Variants in CHD9 observed in about 807,000 individuals in gnomAD.
CHD9 encodes chromodomain helicase DNA binding protein 9, also known as ATP-dependent chromatin remodeler CHD9.
Under a neutral mutation model 316.1 loss-of-function variants are expected in CHD9, and 77 were observed. The observed-to-expected ratio is 0.24, with a 90% CI of 0.20 to 0.29. The LOEUF is 0.29. CHD9 is among the 10% of genes least tolerant of loss of function. The pLI, the probability that CHD9 is intolerant of heterozygous loss-of-function variation, is 1.00. For synonymous variants in CHD9, 1,129 were observed against 1,158.3 expected (o/e 0.97, Z 0.51); for missense variants, 2,763 against 3,438.1 (o/e 0.80, Z 4.91).
intron 1 of CHD9, among the ~76,000 whole-genome samples, chr16:53,058,739 A>C (rs1347831477): frequency 6.6e-6 from 1 of 152,130 alleles, no homozygotes; most frequent in Non-Finnish European, 1.5e-5. Flanking sequence ...CATGCTGTTA[A>C]ATGACTTGCC....
At chr16:53,211,462 T>C (rs1175105072) in intron 3 of CHD9, among the ~76,000 whole-genome samples, 1 of 152,148 alleles carries the variant, frequency 6.6e-6, no homozygotes, top group Non-Finnish European at 1.5e-5. Flanking sequence ...TGCACAACAT[T>C]GACCAATTTT....
At chr16:53,281,835 C>G (rs2053448796) in intron 24 of CHD9, among the ~76,000 whole-genome samples, 1 of 152,180 alleles carries the variant, frequency 6.6e-6, no homozygotes, top group Non-Finnish European at 1.5e-5. Context: ...GTATTTCCTT[C>G]TCAGATAGAC....
chr16:53,200,370 CAAAAAAA>C (rs60076527), intron 2 of CHD9, among the ~76,000 whole-genome samples: 1 of 88,270 alleles, frequency 1.1e-5, no homozygotes, highest in Admixed American at 1.4e-4. Flanking sequence ...TACTCTGTCT[CAAAAAAA>C]AAAAAAAAAA....
At chr16:53,213,736 T>G (rs1451515250) in intron 3 of CHD9, among the ~76,000 whole-genome samples, 1 of 152,202 alleles carries the variant, frequency 6.6e-6, no homozygotes, top group Non-Finnish European at 1.5e-5. Context: ...AACCTATGAT[T>G]TATTACTTTG....
At chr16:53,287,473 A>G (rs957707583) in intron 26 of CHD9, among the ~76,000 whole-genome samples, 1 of 152,208 alleles carries the variant, frequency 6.6e-6, no homozygotes, top group African/African-American at 2.4e-5. Context: ...CACGCCTGTA[A>G]TCCCAGCACT....
At chr16:53,266,481 G>T (rs375262546) in intron 20 of CHD9, among the ~76,000 whole-genome samples, 2 of 152,016 alleles carry the variant, frequency 1.3e-5, no homozygotes, top group African/African-American at 4.8e-5. Flanking sequence ...TTCCCTCACT[G>T]CCTGGCAAAC....
chr16:53,267,886 A>G (rs769351163), intron 21 of CHD9, 41 bp from the exon 22 acceptor site: 4 of 1,540,972 alleles, frequency 2.6e-6, no homozygotes, highest in Non-Finnish European at 3.6e-6. Context: ...TTTCTCTAGA[A>G]CTTGACTCAA....
At chr16:53,232,450 T>C (rs2048261315) in intron 10 of CHD9, among the ~76,000 whole-genome samples, 1 of 152,298 alleles carries the variant, frequency 6.6e-6, no homozygotes, top group East Asian at 1.9e-4. Context: ...TAAAGGGGGC[T>C]CAGCCAATAG....
At chr16:53,233,325 TACAA>T (rs1387360032) in intron 10 of CHD9, among the ~76,000 whole-genome samples, 1 of 152,170 alleles carries the variant, frequency 6.6e-6, no homozygotes, top group Non-Finnish European at 1.5e-5. Flanking sequence ...TTTTAAAGGA[TACAA>T]ACAAACAGCC....
At position 53,235,160 on chromosome 16, in the gene CHD9, A is replaced by G. The variant is rs763600824; in HGVS notation, c.2512-25A>G. 9.1e-6 allele frequency: 14 copies of G among 1,545,198 alleles called. No homozygotes were observed. The East Asian group carries it at 2.9e-4, about 31-fold the overall frequency. ...ATGATATATGGAAGATTTAAACACC[A>G]TTCATTCTTTGTTTTTCCACAAAGG... On this transcript the variant is annotated intron_variant, in intron 10 of 38. Coordinates refer to ENST00000447540, the MANE Select transcript of CHD9 (RefSeq NM_001308319.2).
intron 2 of CHD9, among the ~76,000 whole-genome samples, chr16:53,189,675 G>T (rs1449634163): frequency 6.6e-6 from 1 of 151,932 alleles, no homozygotes; most frequent in Admixed American, 6.6e-5. Flanking sequence ...TGCTGTGTTT[G>T]TATTTTGGCT....
At chr16:53,309,472 G>T (rs1427951634) in intron 34 of CHD9, among the ~76,000 whole-genome samples, 1 of 152,102 alleles carries the variant, frequency 6.6e-6, no homozygotes, top group African/African-American at 2.4e-5. Flanking sequence ...TTAGCATTTT[G>T]AAAGCAATTA....
intron 3 of CHD9, among the ~76,000 whole-genome samples, chr16:53,221,296 T>A (rs771172927): frequency 2.6e-5 from 4 of 152,354 alleles, no homozygotes; most frequent in African/African-American, 7.2e-5. Context: ...ATTTGCCCAA[T>A]GTCTCACAGA....
chr16:53,254,356 T>C, intron 17 of CHD9, 82 bp from the exon 18 acceptor site: 1 of 948,522 alleles, frequency 1.1e-6, no homozygotes, highest in Admixed American at 2.8e-5. Flanking sequence ...AATTCTTGTA[T>C]GTGTTTATAT....
chr16:53,199,608 C>T (rs2152844205), intron 2 of CHD9, among the ~76,000 whole-genome samples: 1 of 152,266 alleles, frequency 6.6e-6, no homozygotes, highest in South Asian at 2.1e-4. Flanking sequence ...TCTGCTGCCA[C>T]CCTTCCACCT....
chr16:53,079,142 C>G (rs115895740), intron 1 of CHD9, among the ~76,000 whole-genome samples: 1 of 152,176 alleles, frequency 6.6e-6, no homozygotes, highest in Non-Finnish European at 1.5e-5. Context: ...CCTGGGAAAG[C>G]TTTTCCTTCT....
rs1239013910 is a variant in CHD9 at position 53,086,374 on chromosome 16, C to T, written c.-165+31297C>T. Among the ~76,000 whole-genome samples the T allele has an allele frequency of 2.0e-5, 3 of 152,202 alleles. No individual in the cohort carries two copies. The East Asian group carries it at 5.8e-4, about 29-fold the overall frequency. On this transcript the variant is annotated intron_variant, in intron 1 of 38. Coordinates refer to ENST00000447540, the MANE Select transcript of CHD9 (RefSeq NM_001308319.2). ...CTGTGCCGCACCAATTATACACAGA[C>T]TGGGCTGCCTTAGGGCAGGACTTGA...
In CHD9 at chr16:53,314,481, A is replaced by G. The variant is rs2153101590; in HGVS notation, c.7327A>G (p.Ile2443Val). The G allele has an allele frequency of 1.9e-6, 3 of 1,580,700 alleles. No homozygotes were observed. Among genetic ancestry groups the G allele is most frequent in the Non-Finnish European group, 1.7e-6 (2 of 1,162,110 alleles). Residue 2443 changes from isoleucine to valine, a missense_variant, in exon 35 of 39, where the codon ATC (isoleucine) becomes GTC (valine). By Grantham distance (29) the Ile-to-Val change is conservative. Transcript: ENST00000447540. ...GAGGAAGAATGTAGAAGGTGTTGAC[A>G]TCTTCTTTTTTAACAGAAATAAACC... ...GRRKNVEGVD[I>V]FFFNRNKPPN...
Position 53,273,635 on chromosome 16 carries a change from C to G in CHD9, c.4727C>G (p.Ala1576Gly), listed in dbSNP as rs912541202. 3.1e-6 allele frequency: 5 copies of G among 1,606,144 alleles called. No individual in the cohort carries two copies. The highest frequency in any genetic ancestry group is 4.3e-6 in the Non-Finnish European group (5 of 1,176,066). The stretch of plus-strand genomic sequence containing the variant: ...GTCCTTATTTTAACAGGCCTATCAG[C>G]TCCTGTACCCAGGGGTCGAAAAGGG... ...RELQNHLGLS[A>G]PVPRGRKGKK... The change falls in exon 23 of 39, where the codon GCT becomes GGT. Residue 1576 changes from alanine to glycine, a missense_variant. Around this residue, in one of 15 missense-constraint regions of CHD9, gnomAD observed 99 missense variants for 131.6 expected, o/e 0.75. Transcript: ENST00000447540.
Sources: allele counts gnomAD v4.1 joint callset (sites outside exome capture counted in the v4.1 genomes callset), GRCh38; gene constraint gnomAD v4.1.1; regional missense constraint gnomAD v4.1.1; transcripts MANE v1.5; gene names NCBI Gene and HGNC (gene_info 2026-07-23, HGNC 2026-07-21).